HSD17B4: variants seen among roughly 807,000 people sequenced by gnomAD.
HSD17B4 encodes hydroxysteroid 17-beta dehydrogenase 4, also known as peroxisomal multifunctional enzyme type 2.
A neutral mutation model predicts 101.0 loss-of-function variants in HSD17B4; 70 were observed. The ratio of observed to expected loss-of-function variants is 0.69; its 90% CI spans 0.57 to 0.85. The LOEUF (loss-of-function observed/expected upper bound fraction) is 0.85. Ranked by LOEUF, HSD17B4 falls within the 40% of genes least tolerant of loss-of-function variation. The pLI is 0.00. For missense variants in HSD17B4, 984 were observed against 892.4 expected, an observed-to-expected ratio of 1.10 and a Z score of -1.31; for synonymous variants, 347 against 297.1, an observed-to-expected ratio of 1.17 and a Z score of -1.73.
intron 3 of HSD17B4, 27 bp from the exon 4 acceptor site, chr5:119,474,374 T>C: frequency 6.5e-7 from 1 of 1,546,852 alleles, no homozygotes. Context: ...GTTGCCGAAA[T>C]TTCATACAAA....
chr5:119,477,891 G>T (rs968364591), intron 7 of HSD17B4: 14 of 194,478 alleles, frequency 7.2e-5, no homozygotes, highest in Admixed American at 3.2e-4. Context: ...AGCTGGGACT[G>T]CAGGTATGTG....
At chr5:119,456,645 G>C in intron 2 of HSD17B4, 1 of 461,028 alleles carries the variant, frequency 2.2e-6, no homozygotes, top group South Asian at 2.2e-5. Flanking sequence ...GACTCAGGAG[G>C]CTGAGGTGGG....
chr5:119,516,088 A>G (rs1752589872), intron 17 of HSD17B4, among the ~76,000 whole-genome samples: 2 of 152,224 alleles, frequency 1.3e-5, no homozygotes, highest in African/African-American at 4.8e-5. Flanking sequence ...ATAGAATTGT[A>G]ATCTCATAAG....
intron 8 of HSD17B4, among the ~76,000 whole-genome samples, 167 bp from the exon 9 acceptor site, chr5:119,489,025 G>A (rs992276219): frequency 4.6e-5 from 7 of 152,136 alleles, no homozygotes; most frequent in Admixed American, 4.6e-4. Context: ...AAATGGCTCA[G>A]TTGAGATTAC....
chr5:119,460,472 G>A (rs1357848918), intron 2 of HSD17B4, among the ~76,000 whole-genome samples: 1 of 152,142 alleles, frequency 6.6e-6, no homozygotes, highest in East Asian at 1.9e-4. Flanking sequence ...TGGATTATGG[G>A]GGAAAACCTT....
At chr5:119,496,183 C>G (rs996454888) in intron 11 of HSD17B4, among the ~76,000 whole-genome samples, 8 of 152,158 alleles carry the variant, frequency 5.3e-5, no homozygotes, top group Non-Finnish European at 1.2e-4. Context: ...GAGGAGGAAT[C>G]AGTGATCTCT....
chr5:119,536,265 A>T (rs1258373645), intron 22 of HSD17B4, 158 bp from the exon 23 acceptor site: 1 of 695,358 alleles, frequency 1.4e-6, no homozygotes, highest in African/African-American at 1.8e-5. Context: ...TTTTTTTCTA[A>T]ATGACAGATA....
Position 119,474,027 on chromosome 5 carries a change from G to T in HSD17B4, c.220+12G>T. 1 of 1,319,920 alleles carries T rather than the reference G, an allele frequency of 7.6e-7. No individual in the cohort carries two copies. Among genetic ancestry groups the T allele is most frequent in the Non-Finnish European group, 1.1e-6 (1 of 914,618 alleles). The allele number at this position is 1,319,920 out of a possible 1,614,324, so 81.8% of individuals were successfully genotyped here. A position where few individuals can be genotyped will look rare whatever the true frequency, so the allele number is the denominator to read the frequency against. ...AGTGGCCAACTATGGTATGGTATTT[G>T]AGAGAACTATACTATTTATTTTCCT... On this transcript the variant is annotated intron_variant, in intron 3 of 23. Coordinates refer to ENST00000510025, the MANE Select transcript of HSD17B4 (RefSeq NM_000414.4).
At chr5:119,458,424 A>C (rs1363060064) in intron 2 of HSD17B4, among the ~76,000 whole-genome samples, 1 of 151,626 alleles carries the variant, frequency 6.6e-6, no homozygotes, top group African/African-American at 2.4e-5. Flanking sequence ...GCTCACTGCA[A>C]CGTCTGCCTC....
At chr5:119,474,363 G>T (rs141917434) in intron 3 of HSD17B4, 38 bp from the exon 4 acceptor site, 1 of 1,363,864 alleles carries the variant, frequency 7.3e-7, no homozygotes, top group Non-Finnish European at 1.1e-6. Flanking sequence ...TTGGAAGGGA[G>T]GTTGCCGAAA....
intron 8 of HSD17B4, among the ~76,000 whole-genome samples, chr5:119,484,181 C>G (rs1749398797): frequency 6.6e-6 from 1 of 152,156 alleles, no homozygotes; most frequent in Non-Finnish European, 1.5e-5. Context: ...GCACTCCAGC[C>G]TGGGTAATGG....
intron 6 of HSD17B4, chr5:119,476,441 G>T: frequency 5.3e-6 from 2 of 375,534 alleles, no homozygotes; most frequent in Non-Finnish European, 7.3e-6. Flanking sequence ...TACTTTCATT[G>T]GCCATCAGAA....
chr5:119,461,932 C>T (rs569309640), intron 2 of HSD17B4, among the ~76,000 whole-genome samples: 4 of 152,070 alleles, frequency 2.6e-5, no homozygotes, highest in East Asian at 1.9e-4. Context: ...CAATATAGCA[C>T]GTATTTGACA....
chr5:119,499,753 G>A (rs1454434239), intron 13 of HSD17B4, 200 bp downstream of exon 13: 3 of 363,182 alleles, frequency 8.3e-6, no homozygotes, highest in Non-Finnish European at 9.6e-6. Flanking sequence ...CCAGCAAAAA[G>A]AAGAAAATAA....
chr5:119,501,329 T>A (rs1047018612), intron 13 of HSD17B4, among the ~76,000 whole-genome samples: 52 of 147,414 alleles, frequency 3.5e-4, no homozygotes, highest in Middle Eastern at 3.6e-3. Context: ...TTTTTTTTTT[T>A]AAAATCCTTT....
intron 9 of HSD17B4, among the ~76,000 whole-genome samples, chr5:119,489,605 C>G (rs1749915077): frequency 6.6e-6 from 1 of 152,002 alleles, no homozygotes; most frequent in Admixed American, 6.6e-5. Context: ...TCAACCAGGC[C>G]AGATTTTGAA....
At chr5:119,513,367 C>T (rs990716183) in intron 16 of HSD17B4, among the ~76,000 whole-genome samples, 1 of 151,924 alleles carries the variant, frequency 6.6e-6, no homozygotes, top group South Asian at 2.1e-4. Context: ...TCCTTTTTAA[C>T]TGTATGTTCT....
chr5:119,530,086 C>A (rs1171363329), intron 21 of HSD17B4, 106 bp downstream of exon 21: 1 of 754,922 alleles, frequency 1.3e-6, no homozygotes, highest in African/African-American at 1.7e-5. Flanking sequence ...AACCATGAAA[C>A]TATTCTTAAT....
rs1754548370 is a variant in HSD17B4 at position 119,455,580 on chromosome 5, A to G, written c.59-735A>G. Among the ~76,000 whole-genome samples, 7 of 150,890 alleles carry G rather than the reference A, an allele frequency of 4.6e-5. No homozygotes were observed. In the South Asian group the frequency reaches 1.5e-3, roughly 31 times the overall value. ...TCTCTCTCTCTCTCTATATATATAT[A>G]TATAATTTCTTTTTGGATATATAAA... On this transcript the variant is annotated intron_variant, in intron 1 of 23. Transcript: ENST00000510025.
Sources: gnomAD v4.1 joint callset for allele counts (sites outside exome capture counted in the v4.1 genomes callset) on GRCh38, gnomAD v4.1.1 for gene constraint, MANE v1.5 for transcripts, NCBI Gene and HGNC (gene_info 2026-07-23, HGNC 2026-07-21) for gene names.